Variants in AGBL4 observed in about 807,000 individuals in gnomAD.
AGBL4 encodes the protein AGBL carboxypeptidase 4.
AGBL4 carries 58 observed loss-of-function variants against 66.4 expected under a neutral mutation model. The ratio of observed to expected loss-of-function variants is 0.87; its 90% CI spans 0.71 to 1.09. The LOEUF (loss-of-function observed/expected upper bound fraction) is 1.09, where lower values mean the gene tolerates loss of function less well. Ranked by LOEUF, AGBL4 falls within the 50% of genes least tolerant of loss-of-function variation. The pLI is 0.00. For synonymous variants in AGBL4, 234 were observed against 222.9 expected, an observed-to-expected ratio of 1.05 and a Z score of -0.44; for missense variants, 579 against 631.0, an observed-to-expected ratio of 0.92 and a Z score of 0.88.
intron 4 of AGBL4, among the ~76,000 whole-genome samples, chr1:49,151,258 G>T: frequency 7.3e-6 from 1 of 137,606 alleles, no homozygotes; most frequent in Non-Finnish European, 1.5e-5. Context: ...GACAGAGCAA[G>T]ACTCCGTCTC....
intron 1 of AGBL4, among the ~76,000 whole-genome samples, chr1:49,955,482 T>C (rs1448789022): frequency 2.0e-5 from 3 of 151,978 alleles, no homozygotes; most frequent in Non-Finnish European, 2.9e-5. Context: ...AATTGAGTGA[T>C]GCAGAAGCAG....
intron 8 of AGBL4, among the ~76,000 whole-genome samples, chr1:48,644,821 G>A (rs1349488449): frequency 6.6e-6 from 1 of 152,150 alleles, no homozygotes; most frequent in East Asian, 1.9e-4. Context: ...AGCCGCCGAA[G>A]GATTTTTACA....
chr1:48,787,084 G>A (rs1350441173), intron 6 of AGBL4, among the ~76,000 whole-genome samples: 1 of 152,034 alleles, frequency 6.6e-6, no homozygotes, highest in Admixed American at 6.6e-5. Context: ...AGGGATGTTG[G>A]GTAATTTTCC....
chr1:48,781,845 A>G (rs888328654), intron 6 of AGBL4, among the ~76,000 whole-genome samples: 3 of 152,170 alleles, frequency 2.0e-5, no homozygotes, highest in African/African-American at 2.4e-5. Flanking sequence ...CTGCCCAAAC[A>G]TCTTCATTTC....
intron 3 of AGBL4, among the ~76,000 whole-genome samples, chr1:49,650,371 C>T (rs191971636): frequency 1.8e-4 from 28 of 152,308 alleles, no homozygotes; most frequent in African/African-American, 6.7e-4. Flanking sequence ...CTCCCCTCAC[C>T]GCTGTGACAA....
chr1:49,247,943 A>C (rs1256162043), intron 3 of AGBL4, among the ~76,000 whole-genome samples: 3 of 152,170 alleles, frequency 2.0e-5, no homozygotes, highest in African/African-American at 7.2e-5. Flanking sequence ...GCTAGGACTT[A>C]AATCTTAGGT....
intron 5 of AGBL4, among the ~76,000 whole-genome samples, chr1:48,955,631 C>T (rs1421509756): frequency 6.6e-6 from 1 of 152,216 alleles, no homozygotes; most frequent in Non-Finnish European, 1.5e-5. Context: ...AATCCTCCCA[C>T]CCGGGCCTCC....
chr1:49,097,035 A>G (rs1338298214), intron 4 of AGBL4, among the ~76,000 whole-genome samples: 3 of 152,168 alleles, frequency 2.0e-5, no homozygotes, highest in African/African-American at 7.2e-5. Context: ...CTTTAGCCTC[A>G]TAAGTCTCAT....
intron 1 of AGBL4, among the ~76,000 whole-genome samples, chr1:49,880,676 G>C (rs1378412231): frequency 6.6e-6 from 1 of 152,172 alleles, no homozygotes; most frequent in Non-Finnish European, 1.5e-5. Context: ...CTTGACCTGT[G>C]GTGGGCTCCA....
chr1:49,485,307 G>A (rs1346591868), intron 3 of AGBL4, among the ~76,000 whole-genome samples: 1 of 151,750 alleles, frequency 6.6e-6, no homozygotes, highest in African/African-American at 2.4e-5. Flanking sequence ...GTCCTTTGTA[G>A]GAACATGGAT....
chr1:48,867,917 G>A (rs1031693681), intron 5 of AGBL4, among the ~76,000 whole-genome samples: 1 of 152,170 alleles, frequency 6.6e-6, no homozygotes, highest in East Asian at 1.9e-4. Context: ...CAAAGCCTGA[G>A]GTGATCAATA....
At chr1:48,545,103 A>C (rs1009316883) in intron 11 of AGBL4, among the ~76,000 whole-genome samples, 1 of 152,102 alleles carries the variant, frequency 6.6e-6, no homozygotes, top group Non-Finnish European at 1.5e-5. Flanking sequence ...ATGAATGAGG[A>C]AGAGAGAAGC....
intron 4 of AGBL4, among the ~76,000 whole-genome samples, chr1:49,157,899 T>A (rs2148133283): frequency 6.6e-6 from 1 of 152,356 alleles, no homozygotes. Context: ...TGTCTGTTCA[T>A]ATCCTTTGCC....
chr1:49,378,621 G>C (rs1437394514), intron 3 of AGBL4, among the ~76,000 whole-genome samples: 1 of 152,094 alleles, frequency 6.6e-6, no homozygotes, highest in Non-Finnish European at 1.5e-5. Context: ...TGCACATTAA[G>C]AATAAGAAGG....
Position 49,935,150 on chromosome 1 carries a change from G to A in AGBL4, c.35-83632C>T, listed in dbSNP as rs192300638. Among the ~76,000 whole-genome samples, 25 of 152,348 alleles carry A rather than the reference G, an allele frequency of 1.6e-4. No homozygotes were observed. In the South Asian group the frequency reaches 2.1e-3, roughly 13 times the overall value. On this transcript the variant is annotated intron_variant, in intron 1 of 13. Coordinates refer to ENST00000371839, the MANE Select transcript of AGBL4 (RefSeq NM_032785.4). ...CACCCTAATACAGCGCTTTTCCGAT[G>A]GGCTTAAAAAACGGCGCTCCAGGAG...
intron 2 of AGBL4, among the ~76,000 whole-genome samples, chr1:49,723,940 C>T (rs1337168378): frequency 6.6e-6 from 1 of 152,108 alleles, no homozygotes; most frequent in African/African-American, 2.4e-5. Context: ...AATAAGCCAT[C>T]AGGATTCCAG....
At chr1:49,345,335 A>G (rs1209271391) in intron 3 of AGBL4, among the ~76,000 whole-genome samples, 4 of 152,158 alleles carry the variant, frequency 2.6e-5, no homozygotes, top group African/African-American at 9.7e-5. Flanking sequence ...TGTGTCTTTG[A>G]CTGTGGCTGT....
intron 4 of AGBL4, among the ~76,000 whole-genome samples, chr1:49,194,380 C>A (rs1647184186): frequency 6.6e-6 from 1 of 151,960 alleles, no homozygotes; most frequent in Admixed American, 6.6e-5. Context: ...TGTTTTTCAC[C>A]CCTATACTTT....
chr1:49,704,001 C>A (rs997676585), intron 2 of AGBL4, among the ~76,000 whole-genome samples: 2 of 152,006 alleles, frequency 1.3e-5, no homozygotes, highest in Non-Finnish European at 2.9e-5. Flanking sequence ...CCACAAGATA[C>A]CTAGAAATAA....
Sources: allele counts gnomAD v4.1 joint callset (sites outside exome capture counted in the v4.1 genomes callset), GRCh38; gene constraint gnomAD v4.1.1; transcripts MANE v1.5; gene names NCBI Gene and HGNC (gene_info 2026-07-23, HGNC 2026-07-21).